POLD1: variants seen among roughly 807,000 people sequenced by gnomAD.
The protein encoded by POLD1 is DNA polymerase delta 1, catalytic subunit.
Under a neutral mutation model 129.7 loss-of-function variants are expected in POLD1, and 79 were observed. That is an observed-to-expected ratio of 0.61 (90% CI 0.51 to 0.73). POLD1 has a LOEUF of 0.73. Ranked by LOEUF, POLD1 falls within the 30% of genes least tolerant of loss-of-function variation. The pLI is 0.00. For synonymous variants in POLD1, 714 were observed against 683.3 expected (o/e 1.04, Z -0.70); for missense variants, 1,338 against 1,595.8 (o/e 0.84, Z 2.75).
intron 14 of POLD1, among the ~76,000 whole-genome samples, chr19:50,408,543 G>A (rs1296639918): frequency 6.6e-6 from 1 of 151,742 alleles, no homozygotes; most frequent in Non-Finnish European, 1.5e-5. Flanking sequence ...ACCACACCTG[G>A]CTAATTTTTA....
chr19:50,415,340 C>T lies in POLD1; in HGVS notation c.2565-98C>T, dbSNP rs986833415. 6 of 1,278,812 alleles carry T rather than the reference C, an allele frequency of 4.7e-6. No individual in the cohort carries two copies. The Admixed American group carries it at 5.6e-5, about 12-fold the overall frequency. The allele number at this position is 1,278,812 out of a possible 1,614,324, so 79.2% of individuals were successfully genotyped here. Reference sequence around the variant, plus strand: ...CCCCTCTCTGCCCTGAGCCTCAGCCCTAAGAGCTCATCCTGGTCTCCAGCC... The same window carrying T: ...CCCCTCTCTGCCCTGAGCCTCAGCCTTAAGAGCTCATCCTGGTCTCCAGCC... On this transcript the variant is annotated intron_variant, in intron 20 of 26. Transcript: ENST00000440232.
intron 1 of POLD1, among the ~76,000 whole-genome samples, 187 bp downstream of exon 1, chr19:50,384,577 G>T (rs566162972): frequency 8.6e-5 from 13 of 152,030 alleles, no homozygotes; most frequent in Non-Finnish European, 1.5e-4. Flanking sequence ...AGGCCGGGGT[G>T]GGGGTGGAAT....
chr19:50,400,154 T>G (rs2038532735), intron 3 of POLD1, among the ~76,000 whole-genome samples: 1 of 136,480 alleles, frequency 7.3e-6, no homozygotes, highest in African/African-American at 3.0e-5. Flanking sequence ...TTTTTTTTTT[T>G]TTTTTTTGAG....
rs777700419 is a variant in POLD1, at chr19:50,402,225, C to A, written c.610C>A (p.His204Asn). 6.3e-7 allele frequency: 1 copy of A among 1,586,576 alleles called. No individual in the cohort carries two copies. Among genetic ancestry groups the A allele is most frequent in the Non-Finnish European group, 8.6e-7 (1 of 1,165,260 alleles). The change falls in exon 6 of 27, where the codon CAC (histidine) becomes AAC (asparagine). Residue 204 changes from histidine to asparagine, a missense_variant. By Grantham distance (68) the His-to-Asn change is moderately conservative. Around this residue, in one of 3 missense-constraint regions of POLD1, gnomAD observed 332 missense variants for 315.7 expected, o/e 1.05. Coordinates refer to ENST00000440232, the MANE Select transcript of POLD1 (RefSeq NM_002691.4). ...CACAGGCATGTTTGGGTACCACGGGCACGGCCCCTCCCCGTTCCTGCGCAT... is the reference window on the plus strand; with the variant it reads ...CACAGGCATGTTTGGGTACCACGGGAACGGCCCCTCCCCGTTCCTGCGCAT... ...SRESMFGYHG[H>N]GPSPFLRITV...
chr19:50,416,532 C>T lies in POLD1; in HGVS notation c.2953+4C>T, dbSNP rs1057521166. 1.6e-5 allele frequency: 25 copies of T among 1,551,556 alleles called. No homozygotes were observed. Among genetic ancestry groups the T allele is most frequent in the African/African-American group, 2.7e-5 (2 of 73,416 alleles). ...CGTGCCGAGGCTGTGCTACTGCGTACGGGGGCACCAGGGGACTGGGGGCAC... is the reference window on the plus strand; with the variant it reads ...CGTGCCGAGGCTGTGCTACTGCGTATGGGGGCACCAGGGGACTGGGGGCAC... On this transcript the variant is annotated splice_donor_region_variant and intron_variant, in intron 23 of 26. Coordinates refer to ENST00000440232, the MANE Select transcript of POLD1 (RefSeq NM_002691.4).
At chr19:50,416,070 C>G in intron 22 of POLD1, 1 of 574,594 alleles carries the variant, frequency 1.7e-6, no homozygotes, top group South Asian at 2.3e-5. Flanking sequence ...GCTCCCCAGC[C>G]GGGGGTTCCC....
At chr19:50,410,810 C>T (rs1210199677) in intron 17 of POLD1, among the ~76,000 whole-genome samples, 1 of 152,106 alleles carries the variant, frequency 6.6e-6, no homozygotes. Flanking sequence ...ATGGAGCACC[C>T]TGTGACTGGC....
rs778012264 is a variant in POLD1 at position 50,415,743 on chromosome 19, G to A, written c.2737G>A (p.Gly913Arg). 3.1e-5 allele frequency: 40 copies of A among 1,299,644 alleles called. No homozygotes were observed. The highest frequency in any genetic ancestry group is 5.2e-5 in the East Asian group (1 of 19,092). The allele number at this position is 1,299,644 out of a possible 1,614,324, so 80.5% of individuals were successfully genotyped here. The change falls in exon 22 of 27, where the codon GGG becomes AGG. Residue 913 changes from glycine (G) to arginine (R), a missense_variant. Gly to Arg is a moderately radical substitution (Grantham distance 125). Transcript: ENST00000440232. ...LAERMRKRDP[G>R]SAPSLGDRVP... ...ACGCAGGATGAGGAAGCGGGACCCC[G>A]GGAGTGCGCCCAGCCTGGGCGACCG...
rs748246591 is a variant in POLD1 at position 50,415,570 on chromosome 19, C to G, written c.2697C>G (p.Ala899=). The change falls in exon 21 of 27, where the codon GCC becomes GCG. Residue 899 remains alanine, a synonymous_variant. Coordinates refer to ENST00000440232, the MANE Select transcript of POLD1 (RefSeq NM_002691.4). Reference sequence around the variant, plus strand: ...CCTCCGACTATGCCGGCAAGCAGGCCCACGTGGAGCTGGCCGAGAGGTCCT... The same window carrying G: ...CCTCCGACTATGCCGGCAAGCAGGCGCACGTGGAGCTGGCCGAGAGGTCCT... The part of the protein sequence containing the change: ...RAASDYAGKQ[A]HVELAERMRK... 6.2e-7 allele frequency: 1 copy of G among 1,612,022 alleles called. No individual in the cohort carries two copies. The highest frequency in any genetic ancestry group is 1.7e-5 in the Admixed American group (1 of 59,944).
Position 50,402,907 on chromosome 19 carries a change from G to T in POLD1, c.971-146G>T, listed in dbSNP as rs3219380. ...GCACAGAGGGTGTGGAGATGGCCTG[G>T]AGGTGAGAGCAGAGCAGGAGCCAGG... On this transcript the variant is annotated intron_variant, in intron 8 of 26. Coordinates refer to ENST00000440232, the MANE Select transcript of POLD1 (RefSeq NM_002691.4). 7.6e-5 allele frequency: 100 copies of T among 1,322,106 alleles called. No homozygotes were observed. The African/African-American group carries it at 1.3e-3, about 17-fold the overall frequency. The allele number at this position is 1,322,106 out of a possible 1,614,324, so 81.9% of individuals were successfully genotyped here.
At chr19:50,408,339 A>T (rs2038973151) in intron 14 of POLD1, among the ~76,000 whole-genome samples, 1 of 151,934 alleles carries the variant, frequency 6.6e-6, no homozygotes, top group Non-Finnish European at 1.5e-5. Context: ...CGTCTCAAAA[A>T]AAATAAAATA....
At chr19:50,415,103 C>T in intron 20 of POLD1, 113 bp downstream of exon 20, 2 of 1,011,352 alleles carry the variant, frequency 2.0e-6, no homozygotes, top group South Asian at 1.8e-5. Context: ...GGGTCCAGGC[C>T]CCCAGCCCCC....
intron 1 of POLD1, among the ~76,000 whole-genome samples, chr19:50,398,052 C>T (rs1384968048): frequency 2.0e-5 from 3 of 152,134 alleles, no homozygotes; most frequent in Non-Finnish European, 4.4e-5. Flanking sequence ...GCATACCGCA[C>T]ATGTGGGAGG....
At chr19:50,386,788 C>T (rs2037985508) in intron 1 of POLD1, among the ~76,000 whole-genome samples, 2 of 152,316 alleles carry the variant, frequency 1.3e-5, no homozygotes, top group South Asian at 4.1e-4. Flanking sequence ...GGGAGGAAGA[C>T]ACACACCCAG....
chr19:50,406,305 C>T lies in POLD1; in HGVS notation c.1366C>T (p.Gln456Ter), dbSNP rs878854520. ...GGTTGTCAGCATGGTGGGCCGCGTG[C>T]AGATGGACATGCTGCAGGTATGGGC... ...TKVVSMVGRV[Q>*]MDMLQVLLRE... The change falls in exon 11 of 27, where the codon CAG becomes TAG. Residue 456 changes from glutamine (Q) to a stop codon, truncating the protein, a stop_gained. Transcript: ENST00000440232. LOFTEE classifies it high-confidence loss of function. This position sits in a 1 kb window ranked among gnomAD's most constrained non-coding sequence, Gnocchi z 5.5. The T allele has an allele frequency of 6.2e-7, 1 of 1,613,880 alleles. No individual in the cohort carries two copies. Among genetic ancestry groups the T allele is most frequent in the Non-Finnish European group, 8.5e-7 (1 of 1,179,976 alleles).
chr19:50,395,135 G>A (rs1452868196), intron 1 of POLD1: 1 of 150,916 alleles, frequency 6.6e-6, no homozygotes, highest in Admixed American at 6.6e-5. Flanking sequence ...GAGCCACGGT[G>A]CCCAGCTGGG....
chr19:50,412,038 T>A lies in POLD1; in HGVS notation c.2155-1388T>A, dbSNP rs77612218. On this transcript the variant is annotated intron_variant, in intron 17 of 26. Coordinates refer to ENST00000440232, the MANE Select transcript of POLD1 (RefSeq NM_002691.4). The stretch of plus-strand genomic sequence containing the variant: ...AGCTCATGCCTGTAGTTGCAGCTAC[T>A]CAGGAGGCTGAGACGGGAAGATGGC... Among the ~76,000 whole-genome samples the A allele has an allele frequency of 6.5e-3, 987 of 152,298 alleles. 11 individuals carry two copies. The highest frequency in any genetic ancestry group is 0.022 in the African/African-American group (932 of 41,568).
rs1429981755 is a variant in POLD1 at position 50,402,445 on chromosome 19, C to T, written c.759-9C>T. 1.9e-6 allele frequency: 3 copies of T among 1,612,672 alleles called. No homozygotes were observed. Among genetic ancestry groups the T allele is most frequent in the African/African-American group, 2.7e-5 (2 of 74,936 alleles). On this transcript the variant is annotated splice_polypyrimidine_tract_variant and intron_variant, in intron 6 of 26. Transcript: ENST00000440232. ...CAGCCCCTGTCCACTGACCCCCAGC[C>T]CCCTCCAGGTTCATGGTGGACACGG...
intron 10 of POLD1, among the ~76,000 whole-genome samples, chr19:50,405,290 G>A (rs1180700405): frequency 2.6e-5 from 4 of 152,214 alleles, no homozygotes; most frequent in South Asian, 2.1e-4. Flanking sequence ...GACCCCCTGC[G>A]AAGACATATT....
Sources: allele counts gnomAD v4.1 joint callset (sites outside exome capture counted in the v4.1 genomes callset), GRCh38; gene constraint gnomAD v4.1.1; regional missense constraint gnomAD v4.1.1; non-coding constraint Gnocchi (gnomAD v3.1); transcripts MANE v1.5; gene names NCBI Gene and HGNC (gene_info 2026-07-23, HGNC 2026-07-21).